Variants in EDARADD observed in about 807,000 individuals in gnomAD.
EDARADD encodes the protein EDAR associated via death domain, also known as ectodysplasin-A receptor-associated adapter protein.
A neutral mutation model predicts 25.6 loss-of-function variants in EDARADD; 20 were observed. The observed-to-expected ratio is 0.78, with a 90% confidence interval of 0.55 to 1.14. The LOEUF (loss-of-function observed/expected upper bound fraction) is 1.14. Among genes scored for constraint, EDARADD ranks in the 50% most tolerant of loss-of-function variants. The pLI, the probability that EDARADD is intolerant of heterozygous loss-of-function variation, is 0.00. For synonymous variants in EDARADD, 86 were observed against 94.4 expected, an observed-to-expected ratio of 0.91 and a Z score of 0.52; for missense variants, 225 against 270.1, an observed-to-expected ratio of 0.83 and a Z score of 1.17.
intron 3 of EDARADD, among the ~76,000 whole-genome samples, chr1:236,362,121 G>A (rs979792470): frequency 6.6e-6 from 1 of 152,070 alleles, no homozygotes; most frequent in Non-Finnish European, 1.5e-5. Flanking sequence ...TGTCATCCAG[G>A]CTGGAGTGCA....
chr1:236,431,915 G>A (rs1658104688), intron 4 of EDARADD, among the ~76,000 whole-genome samples: 1 of 33,828 alleles, frequency 3.0e-5, no homozygotes, highest in Non-Finnish European at 1.0e-4. Context: ...GCGACAGAGC[G>A]AGACTCCGTC....
At chr1:236,386,821 T>TG (rs1386498147) in intron 3 of EDARADD, among the ~76,000 whole-genome samples, 74 of 35,332 alleles carry the variant, frequency 2.1e-3, no homozygotes, top group African/African-American at 7.5e-3. Context: ...GGGAGGGAGG[T>TG]GGGGGGGGTC....
In EDARADD at chr1:236,414,267, A is replaced by G. The variant is rs775459429; in HGVS notation, c.128A>G (p.Lys43Arg). 3.5e-5 allele frequency: 56 copies of G among 1,610,572 alleles called. 2 individuals carry two copies. The South Asian group carries it at 6.2e-4, about 18-fold the overall frequency. ...TTTTGTTGGTTTCTACAGTCAGACA[A>G]ATATCCCATTCAAGATACGGAACTC... ...PSTLSFNMSDKYPIQDTELPK... is the reference protein window; with the variant it reads ...PSTLSFNMSDRYPIQDTELPK... Residue 43 changes from lysine to arginine, a missense_variant, in exon 3 of 6, where the codon AAA becomes AGA. By Grantham distance (26) the Lys-to-Arg change is conservative. Coordinates refer to ENST00000334232, the MANE Select transcript of EDARADD (RefSeq NM_145861.4).
chr1:236,355,411 C>T (rs1666961762), intron 3 of EDARADD, among the ~76,000 whole-genome samples: 1 of 151,268 alleles, frequency 6.6e-6, no homozygotes, highest in Admixed American at 6.6e-5. Context: ...CCTCTCTAAT[C>T]TCTCTTTGAT....
At chr1:236,465,617 C>T (rs1205758608) in intron 4 of EDARADD, among the ~76,000 whole-genome samples, 2 of 152,102 alleles carry the variant, frequency 1.3e-5, no homozygotes, top group Non-Finnish European at 2.9e-5. Context: ...TATCTTGTGC[C>T]TTGCATTTTC....
At chr1:236,459,726 C>A (rs1300604221) in intron 4 of EDARADD, among the ~76,000 whole-genome samples, 1 of 150,680 alleles carries the variant, frequency 6.6e-6, no homozygotes, top group Non-Finnish European at 1.5e-5. Context: ...GATTCTCCTG[C>A]CTCAGCCTCC....
chr1:236,384,852 TTC>T (rs1667334480), intron 3 of EDARADD, among the ~76,000 whole-genome samples: 1 of 152,168 alleles, frequency 6.6e-6, no homozygotes, highest in African/African-American at 2.4e-5. Context: ...TCTAGAAATT[TTC>T]TGTTTAGTCT....
intron 4 of EDARADD, among the ~76,000 whole-genome samples, chr1:236,432,670 A>C (rs1386158173): frequency 6.6e-6 from 1 of 152,072 alleles, no homozygotes; most frequent in African/African-American, 2.4e-5. Flanking sequence ...AGATCACCTG[A>C]GATCAGGAAT....
chr1:236,414,410 C>A, intron 3 of EDARADD, 111 bp downstream of exon 3: 2 of 823,318 alleles, frequency 2.4e-6, no homozygotes, highest in Non-Finnish European at 2.0e-6. Flanking sequence ...GAAACATGCC[C>A]ATAGATTAGC....
At chr1:236,434,951 G>A (rs977325386) in intron 4 of EDARADD, among the ~76,000 whole-genome samples, 1 of 152,180 alleles carries the variant, frequency 6.6e-6, no homozygotes, top group African/African-American at 2.4e-5. Context: ...TCAGATGTGT[G>A]TGTGTTGTTA....
At chr1:236,424,154 C>CT (rs34454343) in intron 3 of EDARADD, among the ~76,000 whole-genome samples, 27,497 of 74,290 alleles carry the variant, frequency 0.37, 5,234 homozygotes, top group Non-Finnish European at 0.49. Context: ...TGTGAAGCAT[C>CT]TTTTTTTTTT....
chr1:236,445,245 T>TTTTTTTTTTTTTTTTTTTTTA (rs1658502774), intron 4 of EDARADD, among the ~76,000 whole-genome samples: 3 of 139,624 alleles, frequency 2.1e-5, no homozygotes, highest in East Asian at 3.9e-4. Flanking sequence ...TTTTTTTTTT[T>TTTTTTTTTTTTTTTTTTTTTA]GAGACAGAGT....
chr1:236,481,914 C>T (rs1016076240), intron 5 of EDARADD, among the ~76,000 whole-genome samples: 1 of 151,530 alleles, frequency 6.6e-6, no homozygotes, highest in South Asian at 2.1e-4. Context: ...GAGATCGAGA[C>T]CATCCTGGCT....
chr1:236,440,049 A>G (rs1411044960), intron 4 of EDARADD, among the ~76,000 whole-genome samples: 1 of 152,168 alleles, frequency 6.6e-6, no homozygotes, highest in Non-Finnish European at 1.5e-5. Context: ...AAATTTTGTG[A>G]GAGCTTAAGG....
chr1:236,405,621 G>A (rs778438175), intron 1 of EDARADD, among the ~76,000 whole-genome samples: 1 of 152,028 alleles, frequency 6.6e-6, no homozygotes. Context: ...ACTGAGGACC[G>A]GTCCTTCCTT....
chr1:236,371,831 C>T (rs144718150), intron 3 of EDARADD, among the ~76,000 whole-genome samples: 5,562 of 152,052 alleles, frequency 0.037, 144 homozygotes, highest in Non-Finnish European at 0.052. Flanking sequence ...CTTGGCCTCC[C>T]AAAGTGCTGG....
chr1:236,447,791 G>A (rs1330012427), intron 4 of EDARADD, among the ~76,000 whole-genome samples: 2 of 151,766 alleles, frequency 1.3e-5, no homozygotes, highest in Admixed American at 6.6e-5. Context: ...TAAACCAATG[G>A]TTCTGGTCCT....
chr1:236,479,678 C>T (rs1239440456), intron 5 of EDARADD, among the ~76,000 whole-genome samples: 1 of 151,528 alleles, frequency 6.6e-6, no homozygotes, highest in Non-Finnish European at 1.5e-5. Context: ...ATGACTGCCT[C>T]GGTATAACTT....
chr1:236,372,446 A>G (rs768618245), intron 3 of EDARADD, among the ~76,000 whole-genome samples: 6 of 152,162 alleles, frequency 3.9e-5, no homozygotes, highest in Non-Finnish European at 7.3e-5. Flanking sequence ...ATAATTCTTT[A>G]TATACATTGT....
Sources: gnomAD v4.1 joint callset for allele counts (sites outside exome capture counted in the v4.1 genomes callset) on GRCh38, gnomAD v4.1.1 for gene constraint, MANE v1.5 for transcripts, NCBI Gene and HGNC (gene_info 2026-07-23, HGNC 2026-07-21) for gene names.